Variants in AKT2 observed in about 807,000 individuals in gnomAD.
AKT2 encodes AKT serine/threonine kinase 2.
In AKT2, 16 loss-of-function variants were observed where a neutral mutation model predicts 58.6. The ratio of observed to expected loss-of-function variants is 0.27; its 90% confidence interval spans 0.18 to 0.41. The LOEUF (loss-of-function observed/expected upper bound fraction) is 0.41, where lower values mean the gene tolerates loss of function less well. Among genes scored for constraint, AKT2 ranks in the 10% least tolerant of loss-of-function variants. The pLI, the probability that AKT2 is intolerant of heterozygous loss-of-function variation, is 1.00. For missense variants in AKT2, 438 were observed against 661.0 expected (o/e 0.66, Z 3.70); for synonymous variants, 253 against 254.0 (o/e 1.00, Z 0.04).
At chr19:40,272,689 A>G (rs1480135964) in intron 1 of AKT2, among the ~76,000 whole-genome samples, 6 of 152,202 alleles carry the variant, frequency 3.9e-5, no homozygotes, top group African/African-American at 1.4e-4. Flanking sequence ...GATGGACCTT[A>G]TAGGGCATAC....
Position 40,242,923 on chromosome 19 carries a change from T to C in AKT2, c.288-236A>G. The C allele has an allele frequency of 3.9e-6, 2 of 517,218 alleles. No homozygotes were observed. The highest frequency in any genetic ancestry group is 7.1e-6 in the Non-Finnish European group (2 of 282,780). 32.0% of individuals were successfully genotyped at this position (517,218 alleles called of 1,614,324 possible). Reference sequence around the variant, plus strand: ...CAGCACTTTGGGAGGCTGAGGCGGATGGATCACAAGGTCAGGAGTTCGAGA... The same window carrying C: ...CAGCACTTTGGGAGGCTGAGGCGGACGGATCACAAGGTCAGGAGTTCGAGA... On this transcript the variant is annotated intron_variant, in intron 4 of 13. Transcript: ENST00000392038. This position sits in a 1 kb window ranked among gnomAD's most constrained non-coding sequence, Gnocchi z 4.3.
intron 1 of AKT2, among the ~76,000 whole-genome samples, chr19:40,265,799 C>A (rs1976307991): frequency 6.6e-6 from 1 of 152,074 alleles, no homozygotes; most frequent in African/African-American, 2.4e-5. Flanking sequence ...CACCATCTTA[C>A]ACACACACAC....
At chr19:40,239,165 C>G (rs1000292443) in intron 7 of AKT2, 192 bp from the exon 8 acceptor site, 4 of 578,988 alleles carry the variant, frequency 6.9e-6, no homozygotes, top group Non-Finnish European at 1.2e-5. Flanking sequence ...CATGGCTCTG[C>G]GGTAGGAAAG....
At chr19:40,249,093 A>G (rs1055992682) in intron 4 of AKT2, among the ~76,000 whole-genome samples, 9 of 151,052 alleles carry the variant, frequency 6.0e-5, no homozygotes, top group Non-Finnish European at 1.2e-4. Flanking sequence ...CAGGGAGGAG[A>G]GCATGCCCAG....
At chr19:40,239,919 C>G in intron 7 of AKT2, 126 bp downstream of exon 7, 1 of 1,200,182 alleles carries the variant, frequency 8.3e-7, no homozygotes, top group Admixed American at 1.7e-5. Context: ...CAGGGCGCAG[C>G]AACACCTTGC....
At chr19:40,252,297 G>C (rs886630998) in intron 4 of AKT2, among the ~76,000 whole-genome samples, 6 of 152,160 alleles carry the variant, frequency 3.9e-5, no homozygotes, top group African/African-American at 1.4e-4. Context: ...AGAAATCTGG[G>C]ACCTGGTCTC....
rs1422127959 is a variant in AKT2 at position 40,285,328 on chromosome 19, C to T, written c.-232G>A. 1 of 394,206 alleles carries T rather than the reference C, an allele frequency of 2.5e-6. No homozygotes were observed. The highest frequency in any genetic ancestry group is 4.5e-6 in the Non-Finnish European group (1 of 223,214). 24.4% of individuals were successfully genotyped at this position (394,206 alleles called of 1,614,324 possible). ...GCGGCGACGCCTCCTCCGAGGCAGG[C>T]CCAACGGCTAGCACGGCGCGGCCCC... On this transcript the variant is annotated 5_prime_UTR_variant, in exon 1 of 14. Transcript: ENST00000392038.
At chr19:40,271,694 G>A (rs2145398807) in intron 1 of AKT2, among the ~76,000 whole-genome samples, 1 of 152,338 alleles carries the variant, frequency 6.6e-6, no homozygotes, top group East Asian at 1.9e-4. Context: ...GGGCACAGAA[G>A]TTCTAAGCTG....
intron 4 of AKT2, among the ~76,000 whole-genome samples, chr19:40,253,303 C>T (rs1204916518): frequency 6.6e-6 from 1 of 152,062 alleles, no homozygotes; most frequent in Non-Finnish European, 1.5e-5. Flanking sequence ...GAAACCTTAC[C>T]CCATAGATAA....
rs1029827239 is a variant in AKT2 at position 40,234,230 on chromosome 19, C to G, written c.1367-279G>C. On this transcript the variant is annotated intron_variant, in intron 13 of 13. Transcript: ENST00000392038. The surrounding 1 kb of genome is among the most constrained non-coding windows in gnomAD (Gnocchi z 4.7). ...ACCTTCTCTCTGCCCCACACACCAC[C>G]ATGCCAGAGTCCAGCCCAGAGCCCT... Among the ~76,000 whole-genome samples, 1 of 152,202 alleles carries G rather than the reference C, an allele frequency of 6.6e-6. No homozygotes were observed. Among genetic ancestry groups the G allele is most frequent in the Non-Finnish European group, 1.5e-5 (1 of 68,022 alleles).
rs1973928831 is a variant in AKT2, at chr19:40,235,031, C to T, written c.1366+14G>A. ...TGGGGCAGGCACACCAGCGCGGGGG[C>T]CCCAGGCACTCACAGCGGTCAGGGG... is the stretch of plus-strand genomic sequence containing the variant. On this transcript the variant is annotated intron_variant, in intron 13 of 13. Coordinates refer to ENST00000392038, the MANE Select transcript of AKT2 (RefSeq NM_001626.6). This position sits in a 1 kb window ranked among gnomAD's most constrained non-coding sequence, Gnocchi z 6.3. 1.2e-6 allele frequency: 2 copies of T among 1,612,712 alleles called. No homozygotes were observed. The highest frequency in any genetic ancestry group is 3.3e-5 in the Admixed American group (2 of 59,998).
At chr19:40,284,203 C>T (rs1451483297) in intron 1 of AKT2, among the ~76,000 whole-genome samples, 2 of 152,110 alleles carry the variant, frequency 1.3e-5, no homozygotes, top group African/African-American at 4.8e-5. Flanking sequence ...CAGAGAGCTT[C>T]CCTGGGGGGA....
intron 1 of AKT2, chr19:40,268,709 G>C (rs533468010): frequency 6.6e-6 from 1 of 152,666 alleles, no homozygotes; most frequent in East Asian, 1.9e-4. Context: ...AGGGGGAGGA[G>C]TTGGAAGATC....
At chr19:40,272,395 C>T (rs1200889874) in intron 1 of AKT2, among the ~76,000 whole-genome samples, 3 of 152,172 alleles carry the variant, frequency 2.0e-5, no homozygotes, top group Non-Finnish European at 4.4e-5. Flanking sequence ...TGGAGACGGT[C>T]TGGCCACACA....
At chr19:40,272,546 G>A (rs1022929484) in intron 1 of AKT2, among the ~76,000 whole-genome samples, 8 of 152,118 alleles carry the variant, frequency 5.3e-5, no homozygotes, top group Non-Finnish European at 1.0e-4. Context: ...ACACACACAC[G>A]CCCTGTCACC....
chr19:40,249,094 G>A (rs894703808), intron 4 of AKT2, among the ~76,000 whole-genome samples: 4 of 152,116 alleles, frequency 2.6e-5, no homozygotes, highest in Admixed American at 2.0e-4. Flanking sequence ...AGGGAGGAGA[G>A]CATGCCCAGA....
intron 7 of AKT2, 101 bp from the exon 8 acceptor site, chr19:40,239,074 C>T (rs1974214710): frequency 7.0e-6 from 9 of 1,285,662 alleles, no homozygotes; most frequent in East Asian, 2.4e-5. Context: ...CACACACACA[C>T]CCTGCCCTGG....
chr19:40,272,593 T>C (rs1877596930), intron 1 of AKT2, among the ~76,000 whole-genome samples: 1 of 152,230 alleles, frequency 6.6e-6, no homozygotes, highest in South Asian at 2.1e-4. Context: ...CACATGCTGA[T>C]GTCATTGAGA....
chr19:40,277,474 C>A (rs1256225072), intron 1 of AKT2, among the ~76,000 whole-genome samples: 3 of 152,160 alleles, frequency 2.0e-5, no homozygotes, highest in East Asian at 3.9e-4. Context: ...CTCTCCCACA[C>A]AGGTCCCTCC....
Sources: gnomAD v4.1 joint callset for allele counts (sites outside exome capture counted in the v4.1 genomes callset) on GRCh38, gnomAD v4.1.1 for gene constraint, Gnocchi (gnomAD v3.1) non-coding constraint, MANE v1.5 for transcripts, NCBI Gene and HGNC (gene_info 2026-07-23, HGNC 2026-07-21) for gene names.